FLT4: variants seen among roughly 807,000 people sequenced by gnomAD.
The protein encoded by FLT4 is fms related receptor tyrosine kinase 4.
A neutral mutation model predicts 163.2 loss-of-function variants in FLT4; 30 were observed. The ratio of observed to expected loss-of-function variants is 0.18; its 90% confidence interval spans 0.14 to 0.25. The LOEUF is 0.25. FLT4 is among the 10% of genes least tolerant of loss of function. The pLI, the probability that FLT4 is intolerant of heterozygous loss-of-function variation, is 1.00. For missense variants in FLT4, 1,510 were observed against 1,863.8 expected (o/e 0.81, Z 3.50); for synonymous variants, 884 against 789.5 (o/e 1.12, Z -2.01).
intron 29 of FLT4, among the ~76,000 whole-genome samples, chr5:180,607,678 A>AG (rs1318763084): frequency 9.9e-5 from 15 of 151,516 alleles, no homozygotes; most frequent in Admixed American, 4.6e-4. Flanking sequence ...TATATATAAA[A>AG]TAAAGAAAAT....
At chr5:180,632,744 C>A (rs1764284160) in intron 1 of FLT4, among the ~76,000 whole-genome samples, 1 of 152,094 alleles carries the variant, frequency 6.6e-6, no homozygotes, top group Non-Finnish European at 1.5e-5. Flanking sequence ...TGCAAACATG[C>A]ATGCATGTTT....
chr5:180,650,275 G>A (rs1045312562), upstream of FLT4, among the ~76,000 whole-genome samples: 1 of 151,534 alleles, frequency 6.6e-6, no homozygotes, highest in Non-Finnish European at 1.5e-5. Context: ...CGGGACACCC[G>A]GGATGACCGA....
Position 180,626,240 on chromosome 5 carries a change from C to T in FLT4, c.1129G>A (p.Gly377Arg), listed in dbSNP as rs777529468. 21 of 1,612,536 alleles carry T rather than the reference C, an allele frequency of 1.3e-5. No individual in the cohort carries two copies. The highest frequency in any genetic ancestry group is 1.6e-4 in the Middle Eastern group (1 of 6,084). Reference protein sequence around the residue: ...QWYKDGKALSGRHSPHALVLK... With the variant: ...QWYKDGKALSRRHSPHALVLK... ...ACCAGGGCATGTGGACTGTGGCGCCCGGACAGTGCCTTTCCATCCTTGTAC... is the reference window on the plus strand; with the variant it reads ...ACCAGGGCATGTGGACTGTGGCGCCTGGACAGTGCCTTTCCATCCTTGTAC... Residue 377 changes from glycine to arginine, a missense_variant, in exon 9 of 30, where the codon GGG becomes AGG. This residue lies in a region of FLT4 where 878 missense variants were observed against 1,016.7 expected (regional missense o/e 0.86). Coordinates refer to ENST00000261937, the MANE Select transcript of FLT4 (RefSeq NM_182925.5).
intron 1 of FLT4, among the ~76,000 whole-genome samples, chr5:180,639,527 G>C (rs542453713): frequency 2.0e-4 from 31 of 151,938 alleles, no homozygotes; most frequent in African/African-American, 7.0e-4. Flanking sequence ...AGGATGAATG[G>C]ATGGTGGAAA....
rs773249416 is a variant in FLT4, at chr5:180,621,822, G to A, written c.1740C>T (p.Ala580=). The part of the protein sequence containing the change: ...EGQPVLLSCQ[A]DSYKYEHLRW... ...GCAGATGCTCGTACTTGTAGCTGTCGGCTTGGCAGCTCAGGAGCACCGGCT... is the reference window on the plus strand; with the variant it reads ...GCAGATGCTCGTACTTGTAGCTGTCAGCTTGGCAGCTCAGGAGCACCGGCT... Residue 580 remains alanine (A), a synonymous_variant, in exon 13 of 30, where the codon GCC becomes GCT. Coordinates refer to ENST00000261937, the MANE Select transcript of FLT4 (RefSeq NM_182925.5). The A allele has an allele frequency of 3.1e-6, 5 of 1,613,290 alleles. No individual in the cohort carries two copies. The highest frequency in any genetic ancestry group is 1.7e-5 in the Admixed American group (1 of 60,022).
At chr5:180,647,783 T>G (rs1765553826) in intron 1 of FLT4, among the ~76,000 whole-genome samples, 1 of 152,042 alleles carries the variant, frequency 6.6e-6, no homozygotes, top group Non-Finnish European at 1.5e-5. Context: ...CCCCTCTCCA[T>G]GGGGCGCCCA....
chr5:180,609,277 C>T (rs982161762), intron 28 of FLT4: 48 of 597,608 alleles, frequency 8.0e-5, no homozygotes, highest in African/African-American at 3.5e-4. Flanking sequence ...GTGTGTGGCC[C>T]GTGGACGCCT....
chr5:180,629,807 C>G lies in FLT4; in HGVS notation c.705G>C (p.Leu235Phe). The change falls in exon 6 of 30, where the codon TTG (leucine) becomes TTC (phenylalanine). Residue 235 changes from leucine (L) to phenylalanine (F), a missense_variant. This residue lies in a region of FLT4 where 163 missense variants were observed against 281.1 expected (regional missense o/e 0.58). Coordinates refer to ENST00000261937, the MANE Select transcript of FLT4 (RefSeq NM_182925.5). The stretch of plus-strand genomic sequence containing the variant: ...CCAGCAGCTCCAGCGACTTCCTGGG[C>G]AACAGCTGGATGTCATAGAGCTCGT... ...TGNELYDIQL[L>F]PRKSLELLVG... 6.2e-7 allele frequency: 1 copy of G among 1,612,568 alleles called. No homozygotes were observed. The highest frequency in any genetic ancestry group is 1.6e-4 in the Middle Eastern group (1 of 6,062).
chr5:180,602,908 GC>G lies in FLT4; in HGVS notation c.*283del. 1 of 588,278 alleles carries G rather than the reference GC, an allele frequency of 1.7e-6. No homozygotes were observed. Among genetic ancestry groups the G allele is most frequent in the Admixed American group, 3.0e-5 (1 of 33,304 alleles). The allele number at this position is 588,278 out of a possible 1,614,324, so 36.4% of individuals were successfully genotyped here. A position where few individuals can be genotyped will look rare whatever the true frequency, so the allele number is the denominator to read the frequency against. Reference sequence around the variant, plus strand: ...AAGAGACATTCCCATGGAAGTGCTGGCCCCGGGACCAGCACCTGCGGATGCT... The same window carrying G: ...AAGAGACATTCCCATGGAAGTGCTGGCCCGGGACCAGCACCTGCGGATGCT... On this transcript the variant is annotated 3_prime_UTR_variant, in exon 30 of 30. Transcript: ENST00000261937.
At chr5:180,645,285 G>A (rs73812648) in intron 1 of FLT4, among the ~76,000 whole-genome samples, 5 of 152,242 alleles carry the variant, frequency 3.3e-5, no homozygotes, top group Admixed American at 1.3e-4. Context: ...CGTGGGGGTG[G>A]AGACCAGGAG....
intron 1 of FLT4, among the ~76,000 whole-genome samples, chr5:180,643,430 C>T (rs76645654): frequency 0.056 from 8,451 of 152,234 alleles, 325 homozygotes; most frequent in Non-Finnish European, 0.081. Context: ...GCATTGCAGG[C>T]GTGCTGTCCC....
At chr5:180,608,184 G>A (rs1364917386) in intron 29 of FLT4, 2 of 639,392 alleles carry the variant, frequency 3.1e-6, no homozygotes, top group Admixed American at 4.2e-5. Flanking sequence ...GTAGATAGCA[G>A]TAGAAGAAAT....
intron 10 of FLT4, among the ~76,000 whole-genome samples, chr5:180,625,147 T>A (rs1285079924): frequency 6.6e-6 from 1 of 152,202 alleles, no homozygotes; most frequent in Non-Finnish European, 1.5e-5. Flanking sequence ...CCCAGTTTGA[T>A]ACTAGGAATC....
intron 27 of FLT4, among the ~76,000 whole-genome samples, chr5:180,610,679 C>T (rs774207642): frequency 6.6e-6 from 1 of 152,082 alleles, no homozygotes; most frequent in African/African-American, 2.4e-5. Context: ...GGGGACTCAC[C>T]CCCAGACTAA....
At chr5:180,626,955 CCT>C (rs1487743714) in intron 8 of FLT4, among the ~76,000 whole-genome samples, 2 of 152,238 alleles carry the variant, frequency 1.3e-5, no homozygotes, top group African/African-American at 2.4e-5. Context: ...GTGGCCTGCC[CCT>C]GCCTTGCTGT....
rs756851514 is a variant in FLT4 at position 180,620,302 on chromosome 5, G to C, written c.2413C>G (p.His805Asp). 1 of 1,611,572 alleles carries C rather than the reference G, an allele frequency of 6.2e-7. No homozygotes were observed. The highest frequency in any genetic ancestry group is 1.1e-5 in the South Asian group (1 of 91,080). Residue 805 changes from histidine (H) to aspartate (D), a missense_variant, in exon 17 of 30, where the codon CAC (histidine) becomes GAC (aspartate). Coordinates refer to ENST00000261937, the MANE Select transcript of FLT4 (RefSeq NM_182925.5). The surrounding 1 kb of genome is among the most constrained non-coding windows in gnomAD (Gnocchi z 4.4). ...AGGTAGCCCGTCTTGATGTCTGCGT[G>C]GGCCGGCTGCGGGGAGGGGACAGGG... is the stretch of plus-strand genomic sequence containing the variant. Reference protein sequence around the residue: ...LIFCNMRRPAHADIKTGYLSI... With the variant: ...LIFCNMRRPADADIKTGYLSI...
Position 180,603,323 on chromosome 5 carries a change from G to T in FLT4, c.3961C>A (p.Arg1321=). Residue 1321 remains arginine (R), a synonymous_variant, in exon 30 of 30, where the codon CGG becomes AGG. Coordinates refer to ENST00000261937, the MANE Select transcript of FLT4 (RefSeq NM_182925.5). ...CCTCCTCGGGCCCCCCGCTCAGGCCGCCGCCGCCTCCCTTGGGAGTCAGGG... is the reference window on the plus strand; with the variant it reads ...CCTCCTCGGGCCCCCCGCTCAGGCCTCCGCCGCCTCCCTTGGGAGTCAGGG... ...AHPDSQGRRR[R]PERGARGGQV... 2 of 1,613,842 alleles carry T rather than the reference G, an allele frequency of 1.2e-6. No homozygotes were observed. Among genetic ancestry groups the T allele is most frequent in the South Asian group, 1.1e-5 (1 of 91,006 alleles).
chr5:180,629,069 C>T (rs936844692), intron 7 of FLT4, 70 bp from the exon 8 acceptor site: 13 of 1,484,198 alleles, frequency 8.8e-6, no homozygotes, highest in East Asian at 2.3e-5. Context: ...ACTCCCCCCA[C>T]GGCCCCTGCA....
rs1288882367 is a variant in FLT4, at chr5:180,623,750, G to A, written c.1548+185C>T. Among the ~76,000 whole-genome samples the A allele has an allele frequency of 6.6e-6, 1 of 152,212 alleles. No homozygotes were observed. Among genetic ancestry groups the A allele is most frequent in the East Asian group, 1.9e-4 (1 of 5,188 alleles). The stretch of plus-strand genomic sequence containing the variant: ...AGGTCCGCCCTCCATCACAAAGCCG[G>A]AGACTGGCCCTCTGACCTTTCTGCA... On this transcript the variant is annotated intron_variant, in intron 11 of 29. Transcript: ENST00000261937. This position sits in a 1 kb window ranked among gnomAD's most constrained non-coding sequence, Gnocchi z 5.8.
Sources: gnomAD v4.1 joint callset for allele counts (sites outside exome capture counted in the v4.1 genomes callset) on GRCh38, gnomAD v4.1.1 for gene constraint, gnomAD v4.1.1 regional missense constraint, Gnocchi (gnomAD v3.1) non-coding constraint, MANE v1.5 for transcripts, NCBI Gene and HGNC (gene_info 2026-07-23, HGNC 2026-07-21) for gene names.